KIF13A: variants seen among roughly 807,000 people sequenced by gnomAD.
KIF13A encodes the protein kinesin-like protein KIF13A.
KIF13A carries 79 observed loss-of-function variants against 212.2 expected under a neutral mutation model. That is an observed-to-expected ratio of 0.37 (90% confidence interval 0.31 to 0.45). The LOEUF is 0.45. KIF13A is among the 20% of genes least tolerant of loss of function. The probability of loss-of-function intolerance (pLI) is 1.00; values close to 1 mark genes in which losing one functional copy is unlikely to be tolerated. For missense variants in KIF13A, 1,901 were observed against 2,209.0 expected (o/e 0.86, Z 2.79); for synonymous variants, 789 against 808.6 (o/e 0.98, Z 0.41).
chr6:17,948,178 G>A (rs1456682277), intron 2 of KIF13A, among the ~76,000 whole-genome samples: 1 of 152,046 alleles, frequency 6.6e-6, no homozygotes, highest in Admixed American at 6.6e-5. Context: ...TCCCTTGACT[G>A]GTCTCAGACT....
Position 17,987,519 on chromosome 6 carries a change from C to T in KIF13A, c.-56G>A. On this transcript the variant is annotated 5_prime_UTR_variant, in exon 1 of 39. The change abolishes the stop of an existing upstream ORF in the 5' untranslated region. Transcript: ENST00000259711. The surrounding 1 kb of genome is among the most constrained non-coding windows in gnomAD (Gnocchi z 7.7). ...GCCCGCTCGGCCTTAGGCGGCCCCT[C>T]ACGCGCGGCGCCGCCGCCGCTGCAG... The T allele has an allele frequency of 1.0e-6, 1 of 1,004,238 alleles. No homozygotes were observed. Among genetic ancestry groups the T allele is most frequent in the Non-Finnish European group, 1.2e-6 (1 of 826,368 alleles). The allele number at this position is 1,004,238 out of a possible 1,614,324, so 62.2% of individuals were successfully genotyped here. A position where few individuals can be genotyped will look rare whatever the true frequency, so the allele number is the denominator to read the frequency against.
intron 31 of KIF13A, 142 bp downstream of exon 31, chr6:17,780,588 A>T: frequency 1.3e-6 from 1 of 743,002 alleles, no homozygotes; most frequent in Non-Finnish European, 2.2e-6. Flanking sequence ...ACTACCTTGG[A>T]TAAATGAGAA....
chr6:17,863,962 AT>A (rs938047839), intron 4 of KIF13A, among the ~76,000 whole-genome samples: 4 of 152,196 alleles, frequency 2.6e-5, no homozygotes, highest in African/African-American at 9.7e-5. Context: ...CAAACAGTGC[AT>A]GGGTGGATCC....
rs112506702 is a variant in KIF13A at position 17,890,354 on chromosome 6, C to T, written c.159+7814G>A. Among the ~76,000 whole-genome samples the T allele has an allele frequency of 7.2e-3, 1,101 of 152,108 alleles. 18 individuals carry two copies. Among genetic ancestry groups the T allele is most frequent in the African/African-American group, 0.025 (1,033 of 41,490 alleles). ...TGTGGCTCCTCAGGAAGGAAAGAAA[C>T]TTGACCCAGATAAGACAAAACCATG... On this transcript the variant is annotated intron_variant, in intron 3 of 38. Transcript: ENST00000259711.
chr6:17,960,915 G>T (rs1316602332), intron 2 of KIF13A, among the ~76,000 whole-genome samples: 1 of 152,174 alleles, frequency 6.6e-6, no homozygotes, highest in Non-Finnish European at 1.5e-5. Flanking sequence ...AGCACGAATT[G>T]AGTACCGAAC....
chr6:17,847,113 C>T (rs1767142568), intron 9 of KIF13A, among the ~76,000 whole-genome samples: 1 of 151,374 alleles, frequency 6.6e-6, no homozygotes, highest in South Asian at 2.1e-4. Context: ...CACATCTACG[C>T]CAGTCATACA....
intron 25 of KIF13A, among the ~76,000 whole-genome samples, chr6:17,793,534 C>A (rs77509584): frequency 0.025 from 3,865 of 151,938 alleles, 74 homozygotes; most frequent in Non-Finnish European, 0.04. Flanking sequence ...CAAAAATGAT[C>A]ATAAGGACAA....
At chr6:17,848,677 C>T (rs967677105) in intron 9 of KIF13A, among the ~76,000 whole-genome samples, 1 of 150,712 alleles carries the variant, frequency 6.6e-6, no homozygotes, top group South Asian at 2.1e-4. Context: ...GTAATTCTCA[C>T]CCCTTGGCCT....
intron 2 of KIF13A, among the ~76,000 whole-genome samples, chr6:17,942,751 G>A (rs1777058426): frequency 6.6e-6 from 1 of 152,190 alleles, no homozygotes; most frequent in Admixed American, 6.5e-5. Flanking sequence ...GCCAAGGCAG[G>A]TAGATACCCT....
intron 2 of KIF13A, among the ~76,000 whole-genome samples, chr6:17,955,253 T>G (rs1778255411): frequency 1.3e-5 from 2 of 152,240 alleles, no homozygotes; most frequent in South Asian, 4.1e-4. Context: ...CTCCAGATCC[T>G]TCTATTAGTA....
At chr6:17,846,695 G>A (rs1387670189) in intron 9 of KIF13A, among the ~76,000 whole-genome samples, 4 of 151,526 alleles carry the variant, frequency 2.6e-5, no homozygotes, top group Non-Finnish European at 5.9e-5. Flanking sequence ...TGAAAAAAGA[G>A]CCAGTTACTA....
chr6:17,862,875 G>T (rs558000503), intron 4 of KIF13A, among the ~76,000 whole-genome samples: 1 of 152,224 alleles, frequency 6.6e-6, no homozygotes, highest in Non-Finnish European at 1.5e-5. Context: ...GTGAACCCGG[G>T]AGGTGGATGT....
At chr6:17,976,898 G>C (rs1453002413) in intron 2 of KIF13A, among the ~76,000 whole-genome samples, 4 of 151,444 alleles carry the variant, frequency 2.6e-5, no homozygotes, top group Non-Finnish European at 5.9e-5. Flanking sequence ...TCAGGAGATC[G>C]AGACCATCTT....
Position 17,828,179 on chromosome 6 carries a change from GCCTTCT to G in KIF13A, c.1532+55_1532+60del. 1 of 1,536,676 alleles carries G rather than the reference GCCTTCT, an allele frequency of 6.5e-7. No individual in the cohort carries two copies. Among genetic ancestry groups the G allele is most frequent in the Non-Finnish European group, 8.8e-7 (1 of 1,130,144 alleles). On this transcript the variant is annotated intron_variant, in intron 14 of 38. Transcript: ENST00000259711. This position sits in a 1 kb window ranked among gnomAD's most constrained non-coding sequence, Gnocchi z 4.3. ...AGCTGAAAGCAAACAGAAAGAGGCA[GCCTTCT>G]CCTTCTGAAAATAAGGCACACAAGA...
chr6:17,811,926 A>G lies in KIF13A; in HGVS notation c.2001-2996T>C, dbSNP rs1160382671. On this transcript the variant is annotated intron_variant, in intron 17 of 38. Coordinates refer to ENST00000259711, the MANE Select transcript of KIF13A (RefSeq NM_022113.6). The surrounding 1 kb of genome is among the most constrained non-coding windows in gnomAD (Gnocchi z 6.0). ...AGTGCAGTGGCTATTCAGAGGCATG[A>G]TCACAGTGCACTACAGCTTGAAACT... 1.3e-5 allele frequency: 2 copies of G among 151,676 alleles called. No individual in the cohort carries two copies. The highest frequency in any genetic ancestry group is 4.9e-5 in the African/African-American group (2 of 41,224). The allele number at this position is 151,676 out of a possible 1,614,324, so 9.4% of individuals were successfully genotyped here.
At chr6:17,927,823 C>T (rs1303199385) in intron 2 of KIF13A, among the ~76,000 whole-genome samples, 1 of 152,190 alleles carries the variant, frequency 6.6e-6, no homozygotes, top group Non-Finnish European at 1.5e-5. Context: ...GGCAAGAAGA[C>T]TCTTGGAATA....
At chr6:17,943,715 T>A (rs1234562799) in intron 2 of KIF13A, among the ~76,000 whole-genome samples, 5 of 152,210 alleles carry the variant, frequency 3.3e-5, no homozygotes, top group Non-Finnish European at 7.3e-5. Context: ...AATATCAATT[T>A]ACATAATAAC....
rs1292161121 is a variant in KIF13A at position 17,809,177 on chromosome 6, A to G, written c.2001-247T>C. Among the ~76,000 whole-genome samples, 23 of 152,234 alleles carry G rather than the reference A, an allele frequency of 1.5e-4. No individual in the cohort carries two copies. Among genetic ancestry groups the G allele is most frequent in the Admixed American group, 1.5e-3 (23 of 15,280 alleles). On this transcript the variant is annotated intron_variant, in intron 17 of 38. Transcript: ENST00000259711. This position sits in a 1 kb window ranked among gnomAD's most constrained non-coding sequence, Gnocchi z 4.7. ...ACGTTTTAAATTATGTAACACGTGAAAACGATCAGATTGTGATAGGAGGAT... is the reference window on the plus strand; with the variant it reads ...ACGTTTTAAATTATGTAACACGTGAGAACGATCAGATTGTGATAGGAGGAT...
chr6:17,770,361 A>ATTTTTTCTTTT (rs1759381083), intron 38 of KIF13A: 1 of 119,446 alleles, frequency 8.4e-6, no homozygotes, highest in Non-Finnish European at 1.7e-5. Flanking sequence ...AATAAACAGG[A>ATTTTTTCTTTT]TTTTTTTTTT....
Sources: allele counts gnomAD v4.1 joint callset (sites outside exome capture counted in the v4.1 genomes callset), GRCh38; gene constraint gnomAD v4.1.1; non-coding constraint Gnocchi (gnomAD v3.1); transcripts MANE v1.5; gene names NCBI Gene and HGNC (gene_info 2026-07-23, HGNC 2026-07-21).